ACBD6: variants seen among roughly 807,000 people sequenced by gnomAD.
ACBD6 encodes acyl-CoA binding domain containing 6, also known as acyl-CoA-binding domain-containing protein 6.
ACBD6 carries 28 observed loss-of-function variants against 37.2 expected under a neutral mutation model. The ratio of observed to expected loss-of-function variants is 0.75; its 90% CI spans 0.56 to 1.03. ACBD6 has a LOEUF of 1.03. ACBD6 is among the 50% of genes least tolerant of loss of function. The probability of loss-of-function intolerance (pLI) is 0.00; values close to 1 mark genes in which losing one functional copy is unlikely to be tolerated. For synonymous variants in ACBD6, 113 were observed against 126.8 expected (o/e 0.89, Z 0.73); for missense variants, 340 against 337.4 (o/e 1.01, Z -0.06).
chr1:180,491,854 G>C (rs961343154), intron 3 of ACBD6, among the ~76,000 whole-genome samples: 17 of 152,206 alleles, frequency 1.1e-4, no homozygotes, highest in African/African-American at 4.1e-4. Context: ...CTGTCACCCA[G>C]GCTGGAGTGC....
rs561985214 is a variant in ACBD6, at chr1:180,356,500, G to A, written c.663+41016C>T. Among the ~76,000 whole-genome samples, 21 of 151,828 alleles carry A rather than the reference G, an allele frequency of 1.4e-4. No individual in the cohort carries two copies. In the South Asian group the frequency reaches 1.9e-3, roughly 14 times the overall value. ...TGTTATTATTTTTTAAATTAACATC[G>A]TATATACAGGAAGTTTAGATCAGTT... On this transcript the variant is annotated intron_variant, in intron 6 of 7. Coordinates refer to ENST00000367595, the MANE Select transcript of ACBD6 (RefSeq NM_032360.4).
chr1:180,366,827 C>A (rs1653071859), intron 6 of ACBD6, among the ~76,000 whole-genome samples: 1 of 152,054 alleles, frequency 6.6e-6, no homozygotes, highest in South Asian at 2.1e-4. Context: ...ATTACTATAT[C>A]CTCATAAAAT....
At chr1:180,432,746 T>G (rs1479539204) in intron 3 of ACBD6, among the ~76,000 whole-genome samples, 1 of 151,826 alleles carries the variant, frequency 6.6e-6, no homozygotes, top group Non-Finnish European at 1.5e-5. Context: ...GCCACAGAAA[T>G]ACAAAGAATC....
At chr1:180,470,789 G>T (rs1650535336) in intron 3 of ACBD6, among the ~76,000 whole-genome samples, 1 of 152,144 alleles carries the variant, frequency 6.6e-6, no homozygotes, top group Non-Finnish European at 1.5e-5. Flanking sequence ...GGCATTAAGA[G>T]GTCACTTTGT....
intron 5 of ACBD6, among the ~76,000 whole-genome samples, chr1:180,398,641 A>C (rs1654353951): frequency 6.6e-6 from 1 of 152,198 alleles, no homozygotes; most frequent in Non-Finnish European, 1.5e-5. Context: ...CACAGTTACT[A>C]TTACGTGTGT....
intron 3 of ACBD6, among the ~76,000 whole-genome samples, chr1:180,431,274 T>C (rs907935159): frequency 1.3e-5 from 2 of 152,122 alleles, no homozygotes; most frequent in African/African-American, 4.8e-5. Context: ...AACTAAGGTT[T>C]CAAAAAATGT....
intron 6 of ACBD6, among the ~76,000 whole-genome samples, chr1:180,372,114 C>G (rs968020048): frequency 6.6e-6 from 1 of 152,006 alleles, no homozygotes; most frequent in African/African-American, 2.4e-5. Flanking sequence ...AAAGAACAAC[C>G]AAGATTTTGA....
intron 6 of ACBD6, among the ~76,000 whole-genome samples, chr1:180,336,308 C>G (rs1571376731): frequency 1.6e-4 from 24 of 147,630 alleles, no homozygotes; most frequent in East Asian, 7.9e-4. Flanking sequence ...TTATAACAAA[C>G]TGTCTCTCAG....
intron 6 of ACBD6, among the ~76,000 whole-genome samples, chr1:180,319,724 T>G (rs1650980265): frequency 6.6e-6 from 1 of 152,176 alleles, no homozygotes; most frequent in African/African-American, 2.4e-5. Flanking sequence ...CTATTTTAAT[T>G]TTTAGCTCCT....
In ACBD6 at chr1:180,318,523, G is replaced by C. The variant is rs1423050724; in HGVS notation, c.664-3801C>G. Among the ~76,000 whole-genome samples, 3 of 151,942 alleles carry C rather than the reference G, an allele frequency of 2.0e-5. No individual in the cohort carries two copies. The East Asian group carries it at 5.8e-4, about 29-fold the overall frequency. ...TCTGTACTGTGCTCCCTAGATTGAG[G>C]GTCTGTCCCTCCAGAATAATTTTGC... On this transcript the variant is annotated intron_variant, in intron 6 of 7. Coordinates refer to ENST00000367595, the MANE Select transcript of ACBD6 (RefSeq NM_032360.4).
At chr1:180,474,132 T>C (rs1650681999) in intron 3 of ACBD6, among the ~76,000 whole-genome samples, 1 of 152,230 alleles carries the variant, frequency 6.6e-6, no homozygotes, top group South Asian at 2.1e-4. Context: ...CACTTTTCTA[T>C]TCATTTACAA....
intron 6 of ACBD6, among the ~76,000 whole-genome samples, chr1:180,345,480 T>C (rs1278734367): frequency 1.3e-5 from 2 of 152,050 alleles, no homozygotes; most frequent in African/African-American, 4.8e-5. Context: ...AAAAATAAAA[T>C]CATTTCCTTT....
chr1:180,366,239 C>G (rs1328547589), intron 6 of ACBD6, among the ~76,000 whole-genome samples: 1 of 152,122 alleles, frequency 6.6e-6, no homozygotes, highest in East Asian at 1.9e-4. Context: ...AATTGCCTGA[C>G]ATTTTAAAAA....
chr1:180,482,509 TAAA>T (rs11377292), intron 3 of ACBD6, among the ~76,000 whole-genome samples: 2 of 140,378 alleles, frequency 1.4e-5, no homozygotes, highest in African/African-American at 5.2e-5. Context: ...TCTAAGAAGT[TAAA>T]AAAAAAAAAG....
At chr1:180,321,598 C>T (rs1166338765) in intron 6 of ACBD6, among the ~76,000 whole-genome samples, 1 of 151,954 alleles carries the variant, frequency 6.6e-6, no homozygotes, top group Non-Finnish European at 1.5e-5. Flanking sequence ...TATAGAAATG[C>T]TACTGATTTT....
At chr1:180,436,296 C>T (rs187949609) in intron 3 of ACBD6, among the ~76,000 whole-genome samples, 1 of 152,086 alleles carries the variant, frequency 6.6e-6, no homozygotes, top group South Asian at 2.1e-4. Flanking sequence ...GAGAATTGAA[C>T]CTTGTTTATC....
intron 7 of ACBD6, among the ~76,000 whole-genome samples, chr1:180,307,011 C>A (rs770012458): frequency 6.6e-6 from 1 of 152,150 alleles, no homozygotes; most frequent in South Asian, 2.1e-4. Context: ...TGGGTATATA[C>A]CCAAAAGAAA....
At chr1:180,411,792 C>T (rs1474760389) in intron 5 of ACBD6, among the ~76,000 whole-genome samples, 1 of 152,012 alleles carries the variant, frequency 6.6e-6, no homozygotes, top group Admixed American at 6.5e-5. Flanking sequence ...CAGCCTCCCC[C>T]GAGTAGCTGG....
chr1:180,371,495 C>T (rs187934532), intron 6 of ACBD6, among the ~76,000 whole-genome samples: 14 of 152,170 alleles, frequency 9.2e-5, no homozygotes, highest in East Asian at 3.9e-4. Context: ...CTCATCTTCC[C>T]GACAGCTCTC....
Sources: allele counts gnomAD v4.1 joint callset (sites outside exome capture counted in the v4.1 genomes callset), GRCh38; gene constraint gnomAD v4.1.1; transcripts MANE v1.5; gene names NCBI Gene and HGNC (gene_info 2026-07-23, HGNC 2026-07-21).